KIAA1210: variants seen among roughly 807,000 people sequenced by gnomAD.
KIAA1210 encodes the protein KIAA1210.
In KIAA1210, 48 loss-of-function variants were observed where a neutral mutation model predicts 78.9. The observed-to-expected ratio is 0.61, with a 90% CI of 0.48 to 0.77. KIAA1210 has a LOEUF of 0.77. Among genes scored for constraint, KIAA1210 ranks in the 30% least tolerant of loss-of-function variants. KIAA1210 has a pLI of 0.00. For missense variants in KIAA1210, 1,108 were observed against 1,100.0 expected, an observed-to-expected ratio of 1.01 and a Z score of -0.10; for synonymous variants, 406 against 404.5, an observed-to-expected ratio of 1.00 and a Z score of -0.04.
intron 2 of KIAA1210, among the ~76,000 whole-genome samples, chrX:119,142,899 G>A (rs1400700590): frequency 9.1e-6 from 1 of 109,782 alleles, no homozygotes; most frequent in Non-Finnish European, 1.9e-5. Flanking sequence ...AGGGCACCAA[G>A]CCATTCATGC....
intron 11 of KIAA1210, 120 bp downstream of exon 11, chrX:119,082,895 G>A (rs189276774): frequency 5.6e-5 from 24 of 432,025 alleles, no homozygotes; most frequent in Middle Eastern, 7.2e-4. Context: ...AAAGAGCCAC[G>A]CGAGAAATCA....
chrX:119,083,384 C>T (rs1454360478), intron 10 of KIAA1210, among the ~76,000 whole-genome samples: 2 of 112,226 alleles, frequency 1.8e-5, no homozygotes, highest in Non-Finnish European at 3.8e-5. Context: ...TCTAATTTTA[C>T]AAATAGTGAA....
At chrX:119,105,474 A>T (rs1340978402) in intron 5 of KIAA1210, among the ~76,000 whole-genome samples, 2 of 112,266 alleles carry the variant, frequency 1.8e-5, no homozygotes, top group Non-Finnish European at 3.8e-5. Flanking sequence ...GATGTTAAAT[A>T]CAAATCTCAT....
chrX:119,108,611 T>C (rs1163404285), intron 4 of KIAA1210, 140 bp from the exon 5 acceptor site: 1 of 759,109 alleles, frequency 1.3e-6, no homozygotes, highest in African/African-American at 2.2e-5. Flanking sequence ...GCGCATGTAA[T>C]CCCAGCACTT....
chrX:119,106,401 G>T (rs1287076268), intron 5 of KIAA1210, among the ~76,000 whole-genome samples: 1 of 111,511 alleles, frequency 9.0e-6, no homozygotes, highest in Non-Finnish European at 1.9e-5. Flanking sequence ...TTCTTTCAGT[G>T]GCAGAGCAAG....
At chrX:119,132,748 A>T (rs1421282159), upstream of KIAA1210, among the ~76,000 whole-genome samples, 1 of 111,256 alleles carries the variant, frequency 9.0e-6, no homozygotes, top group South Asian at 3.8e-4. Flanking sequence ...CTCCTGCCTG[A>T]GCCTCTTGAG....
chrX:119,140,385 C>T (rs755983563), intron 2 of KIAA1210, among the ~76,000 whole-genome samples: 2 of 109,291 alleles, frequency 1.8e-5, no homozygotes, highest in Middle Eastern at 4.7e-3. Flanking sequence ...AAAACTTAGC[C>T]GGGTGTGGTG....
At chrX:119,126,833 G>A (rs947124000) in intron 1 of KIAA1210, among the ~76,000 whole-genome samples, 4 of 112,440 alleles carry the variant, frequency 3.6e-5, no homozygotes, top group African/African-American at 1.3e-4. Context: ...CAATTTGGAA[G>A]GCCAAGGTGG....
In KIAA1210 at chrX:119,089,018, G is replaced by A; in HGVS notation, c.1684C>T (p.His562Tyr). The A allele has an allele frequency of 8.3e-7, 1 of 1,211,831 alleles. No individual in the cohort carries two copies. The highest frequency in any genetic ancestry group is 1.1e-6 in the Non-Finnish European group (1 of 895,280). ...AAAACACTTGCTGTAAAGGTCTGGT[G>A]AACATTTCCAGAAGGCTTTTCTTTG... ...ICKEKPSGNVHQTFTASVLGM... is the reference protein window; with the variant it reads ...ICKEKPSGNVYQTFTASVLGM... Residue 562 changes from histidine (H) to tyrosine (Y), a missense_variant, in exon 9 of 12, where the codon CAC (histidine) becomes TAC (tyrosine). Around this residue, in one of 5 missense-constraint regions of KIAA1210, gnomAD observed 672 missense variants for 607.1 expected, o/e 1.11. Coordinates refer to ENST00000691062, the MANE Select transcript of KIAA1210 (RefSeq NM_001394962.1).
intron 2 of KIAA1210, among the ~76,000 whole-genome samples, chrX:119,119,989 AAAAAAAG>A (rs755667536): frequency 1.9e-4 from 20 of 103,077 alleles, no homozygotes; most frequent in African/African-American, 6.8e-4. Flanking sequence ...AAAAAAAAAA[AAAAAAAG>A]AAAGAAAGAA....
chrX:119,108,233 T>C (rs769768484), intron 5 of KIAA1210, 104 bp downstream of exon 5: 1 of 775,404 alleles, frequency 1.3e-6, no homozygotes, highest in East Asian at 3.3e-5. Context: ...GTTAATCAAC[T>C]AGCCCAGGGG....
In KIAA1210 at chrX:119,106,390, ATT is replaced by A. The variant is rs774231673; in HGVS notation, c.493-1245_493-1244del. ...TTGAGAGATGATGTAACCTGCCCTA[ATT>A]CTTTCAGTGGCAGAGCAAGCATTTG... On this transcript the variant is annotated intron_variant, in intron 5 of 11. Transcript: ENST00000691062. Among the ~76,000 whole-genome samples, 5 of 111,649 alleles carry A rather than the reference ATT, an allele frequency of 4.5e-5. No homozygotes were observed. The East Asian group carries it at 1.4e-3, about 31-fold the overall frequency.
chrX:119,099,343 T>A (rs2147178278), intron 6 of KIAA1210, among the ~76,000 whole-genome samples: 1 of 112,184 alleles, frequency 8.9e-6, no homozygotes, highest in African/African-American at 3.2e-5. Context: ...CTGTTTCCAA[T>A]CACAGCCGAA....
chrX:119,094,037 C>T (rs764607597), intron 7 of KIAA1210: 1 of 1,209,106 alleles, frequency 8.3e-7, no homozygotes, highest in South Asian at 1.8e-5. Context: ...GAGTGACACA[C>T]TGCAGGGATC....
intron 2 of KIAA1210, among the ~76,000 whole-genome samples, chrX:119,143,080 A>AC (rs1929088213): frequency 8.9e-6 from 1 of 112,141 alleles, no homozygotes; most frequent in Non-Finnish European, 1.9e-5. Context: ...GTTCACTATT[A>AC]TTGGTATTAC....
chrX:119,134,377 T>C (rs1603272201), intron 2 of KIAA1210, among the ~76,000 whole-genome samples: 1 of 112,602 alleles, frequency 8.9e-6, no homozygotes, highest in Non-Finnish European at 1.9e-5. Context: ...CATTCATCTA[T>C]TGATGGACAG....
In KIAA1210 at chrX:119,087,428, G is replaced by T; in HGVS notation, c.3274C>A (p.Pro1092Thr). The T allele has an allele frequency of 2.5e-6, 3 of 1,210,362 alleles. No homozygotes were observed. Among genetic ancestry groups the T allele is most frequent in the Non-Finnish European group, 3.4e-6 (3 of 894,876 alleles). ...GAGAAAACTTTCTGTGGGTCTTCAG[G>T]CCTCCCCAAGGACTGTAAAGGGTGC... The part of the protein sequence containing the change: ...MKHPLQSLGR[P>T]EDPQKVFSYS... Residue 1092 changes from proline (P) to threonine (T), a missense_variant, in exon 9 of 12, where the codon CCT becomes ACT. Physicochemically the swap from Pro to Thr is conservative, Grantham distance 38. Around this residue, in one of 5 missense-constraint regions of KIAA1210, gnomAD observed 179 missense variants for 174.1 expected, o/e 1.03. Transcript: ENST00000691062.
Position 119,136,541 on chromosome X carries a change from C to T in KIAA1210, c.410+10932G>A, listed in dbSNP as rs1392961345. Among the ~76,000 whole-genome samples, 9 of 110,824 alleles carry T rather than the reference C, an allele frequency of 8.1e-5. No individual in the cohort carries two copies. The East Asian group carries it at 2.5e-3, about 31-fold the overall frequency. On this transcript the variant is annotated intron_variant, in intron 2 of 13. Transcript: ENST00000402510. The stretch of plus-strand genomic sequence containing the variant: ...GCACATACCCACAGAAATAACAATG[C>T]CATGGCCAGGTGCAGTGGCTCATGC...
chrX:119,109,034 G>A, intron 4 of KIAA1210, 42 bp downstream of exon 4: 1 of 1,196,839 alleles, frequency 8.4e-7, no homozygotes, highest in Non-Finnish European at 1.1e-6. Context: ...GAACAGAAGA[G>A]AAGTAGTCCA....
Sources: allele counts gnomAD v4.1 joint callset (sites outside exome capture counted in the v4.1 genomes callset), GRCh38; gene constraint gnomAD v4.1.1; regional missense constraint gnomAD v4.1.1; transcripts MANE v1.5; gene names NCBI Gene and HGNC (gene_info 2026-07-23, HGNC 2026-07-21).